NRXN3: variants seen among roughly 807,000 people sequenced by gnomAD.
The protein encoded by NRXN3 is neurexin III.
NRXN3 carries 32 observed loss-of-function variants against 137.6 expected under a neutral mutation model. The observed-to-expected ratio is 0.23, with a 90% confidence interval of 0.18 to 0.31. NRXN3 has a LOEUF of 0.31. NRXN3 is among the 10% of genes least tolerant of loss of function. The pLI is 1.00. For missense variants in NRXN3, 1,574 were observed against 2,062.5 expected (o/e 0.76, Z 4.59); for synonymous variants, 798 against 784.5 (o/e 1.02, Z -0.29).
intron 20 of NRXN3, among the ~76,000 whole-genome samples, chr14:79,860,819 G>T (rs1463743895): frequency 6.6e-6 from 1 of 152,098 alleles, no homozygotes; most frequent in Non-Finnish European, 1.5e-5. Flanking sequence ...TTACTTGAGA[G>T]TATCTTTAAA....
At chr14:79,378,181 G>A (rs2094361071) in intron 15 of NRXN3, among the ~76,000 whole-genome samples, 1 of 152,120 alleles carries the variant, frequency 6.6e-6, no homozygotes, top group Non-Finnish European at 1.5e-5. Flanking sequence ...TCTTTCATTT[G>A]ACATGCAAAG....
chr14:79,135,599 C>T lies in NRXN3; in HGVS notation c.3262+147458C>T, dbSNP rs188554571. Among the ~76,000 whole-genome samples, 22 of 152,264 alleles carry T rather than the reference C, an allele frequency of 1.4e-4. No homozygotes were observed. The East Asian group carries it at 4.3e-3, about 29-fold the overall frequency. ...GGGGTTTCTTGACAATCCACAGTAT[C>T]TCTCTCCCCCTTACAAAAGATAGTT... On this transcript the variant is annotated intron_variant, in intron 15 of 20. Transcript: ENST00000335750.
chr14:78,638,599 C>T (rs909533694), intron 4 of NRXN3, among the ~76,000 whole-genome samples: 4 of 152,034 alleles, frequency 2.6e-5, no homozygotes, highest in African/African-American at 7.3e-5. Flanking sequence ...TTTCTACTTT[C>T]CCCTCACTTT....
intron 10 of NRXN3, among the ~76,000 whole-genome samples, chr14:78,874,573 C>A (rs1458085989): frequency 6.6e-6 from 1 of 152,170 alleles, no homozygotes; most frequent in Admixed American, 6.5e-5. Context: ...CTATTTTCTT[C>A]ATCTTTGCCT....
chr14:78,339,255 T>C (rs936932802), intron 4 of NRXN3, among the ~76,000 whole-genome samples: 1 of 152,214 alleles, frequency 6.6e-6, no homozygotes, highest in African/African-American at 2.4e-5. Flanking sequence ...GGAGCAGGCA[T>C]TATTTTTTCA....
chr14:78,753,365 T>A (rs533789892), intron 8 of NRXN3, among the ~76,000 whole-genome samples: 1 of 152,222 alleles, frequency 6.6e-6, no homozygotes, highest in African/African-American at 2.4e-5. Context: ...GTCCTTAATT[T>A]CACAGACGCT....
At position 79,517,896 on chromosome 14, in the gene NRXN3, C is replaced by CTTT. The variant is rs34241975; in HGVS notation, c.3444+50519_3444+50521dup. ...TTCTTTCAGAGTTTTCCTGACTTTCCTTTTTTTTTTTTTTTTTTTTTTTTT... is the reference window on the plus strand; with the variant it reads ...TTCTTTCAGAGTTTTCCTGACTTTCCTTTTTTTTTTTTTTTTTTTTTTTTTTTT... On this transcript the variant is annotated intron_variant, in intron 16 of 20. Coordinates refer to ENST00000335750, the MANE Select transcript of NRXN3 (RefSeq NM_001330195.2). Among the ~76,000 whole-genome samples, 129 of 73,364 alleles carry CTTT rather than the reference C, an allele frequency of 1.8e-3. 23 individuals carry two copies. Among genetic ancestry groups the CTTT allele is most frequent in the South Asian group, 7.8e-3 (12 of 1,540 alleles). The allele number at this position is 73,364 out of a possible 152,430, so 48.1% of individuals were successfully genotyped here.
At chr14:78,470,677 T>C (rs1432516331) in intron 4 of NRXN3, among the ~76,000 whole-genome samples, 1 of 151,968 alleles carries the variant, frequency 6.6e-6, no homozygotes, top group Non-Finnish European at 1.5e-5. Context: ...AATAGTAAGA[T>C]AGAAAAGAGA....
intron 1 of NRXN3, among the ~76,000 whole-genome samples, chr14:78,170,952 CT>C (rs545853025): frequency 0.19 from 23,454 of 125,838 alleles, 1,798 homozygotes; most frequent in South Asian, 0.28. Context: ...TCTTCTTCTT[CT>C]TTTTTTTTTT....
At chr14:78,197,534 T>G (rs2061338407) in intron 1 of NRXN3, among the ~76,000 whole-genome samples, 1 of 152,242 alleles carries the variant, frequency 6.6e-6, no homozygotes. Context: ...TTCCTCTTGC[T>G]GATCTTGGCA....
intron 6 of NRXN3, among the ~76,000 whole-genome samples, chr14:78,659,635 G>A (rs527519568): frequency 1.0e-3 from 158 of 151,622 alleles, no homozygotes; most frequent in Non-Finnish European, 1.9e-3. Flanking sequence ...AGCCAAGATG[G>A]TGCCACTGCA....
intron 15 of NRXN3, among the ~76,000 whole-genome samples, chr14:79,161,151 T>C (rs2153063257): frequency 6.6e-6 from 1 of 152,042 alleles, no homozygotes; most frequent in South Asian, 2.1e-4. Context: ...AGAGAATAAC[T>C]TACCTCTTTT....
chr14:79,844,594 C>T (rs2099363132), intron 20 of NRXN3, among the ~76,000 whole-genome samples: 1 of 152,002 alleles, frequency 6.6e-6, no homozygotes, highest in Admixed American at 6.6e-5. Context: ...ATGAACAGTA[C>T]TATTTTGAAA....
chr14:78,635,253 T>A (rs2097557613), intron 4 of NRXN3, among the ~76,000 whole-genome samples: 1 of 152,216 alleles, frequency 6.6e-6, no homozygotes, highest in Admixed American at 6.5e-5. Flanking sequence ...CATCTTGGGC[T>A]AAAGAGATAT....
intron 15 of NRXN3, among the ~76,000 whole-genome samples, chr14:79,453,508 G>A (rs1352699740): frequency 6.6e-6 from 1 of 152,140 alleles, no homozygotes; most frequent in Non-Finnish European, 1.5e-5. Flanking sequence ...TGGTCAAATC[G>A]ATTTACATAG....
At chr14:78,938,581 A>AT (rs990210028) in intron 10 of NRXN3, among the ~76,000 whole-genome samples, 154 of 150,892 alleles carry the variant, frequency 1.0e-3, no homozygotes, top group African/African-American at 3.1e-3. Flanking sequence ...TGACATTAGG[A>AT]TTTTTTTTTC....
At chr14:78,692,494 G>A (rs1027493263) in intron 6 of NRXN3, among the ~76,000 whole-genome samples, 2 of 152,180 alleles carry the variant, frequency 1.3e-5, no homozygotes, top group African/African-American at 4.8e-5. Context: ...TTCCCTAGAT[G>A]GGGACTCTTT....
chr14:79,483,614 A>G (rs553527001), intron 16 of NRXN3, among the ~76,000 whole-genome samples: 2 of 152,270 alleles, frequency 1.3e-5, no homozygotes, highest in African/African-American at 2.4e-5. Flanking sequence ...AAAAGCTGAT[A>G]TTGTCACATT....
intron 9 of NRXN3, among the ~76,000 whole-genome samples, chr14:78,808,666 A>G (rs1226043542): frequency 1.6e-4 from 24 of 152,064 alleles, no homozygotes; most frequent in Admixed American, 1.6e-3. Flanking sequence ...ACACATGACA[A>G]ACCTAACCGC....
Sources: gnomAD v4.1 joint callset for allele counts (sites outside exome capture counted in the v4.1 genomes callset) on GRCh38, gnomAD v4.1.1 for gene constraint, MANE v1.5 for transcripts, NCBI Gene and HGNC (gene_info 2026-07-23, HGNC 2026-07-21) for gene names.